NAPG: variants seen among roughly 807,000 people sequenced by gnomAD.
NAPG encodes the protein gamma-soluble NSF attachment protein.
Under a neutral mutation model 48.4 loss-of-function variants are expected in NAPG, and 25 were observed. That is an observed-to-expected ratio of 0.52 (90% CI 0.38 to 0.72). The LOEUF is 0.72. Among genes scored for constraint, NAPG ranks in the 30% least tolerant of loss-of-function variants. The pLI is 0.00. For missense variants in NAPG, 359 were observed against 372.5 expected (o/e 0.96, Z 0.30); for synonymous variants, 139 against 127.2 (o/e 1.09, Z -0.62).
chr18:10,528,774 TG>T (rs776966308), intron 1 of NAPG, among the ~76,000 whole-genome samples: 9 of 150,276 alleles, frequency 6.0e-5, no homozygotes, highest in Admixed American at 1.3e-4. Context: ...GGCAGGGAGG[TG>T]GGGCGGGGAG....
Position 10,534,422 on chromosome 18 carries a change from T to C in NAPG, c.228-44T>C. On this transcript the variant is annotated intron_variant, in intron 4 of 11. Transcript: ENST00000322897. This position sits in a 1 kb window ranked among gnomAD's most constrained non-coding sequence, Gnocchi z 5.0. ...TCACCAGAAAGTTTCTTCTACCCCT[T>C]ATTTCGTTAAGATCTCATCAGAGAA... 6.3e-7 allele frequency: 1 copy of C among 1,598,716 alleles called. No individual in the cohort carries two copies. The highest frequency in any genetic ancestry group is 8.6e-7 in the Non-Finnish European group (1 of 1,167,200).
Position 10,544,308 on chromosome 18 carries a change from G to A in NAPG, c.507-2018G>A, listed in dbSNP as rs2032216619. ...AGAAGTCTGGATACAGTGTAGCTAG[G>A]TCCTAGTGTAGCTAGGTAGCAGAGC... On this transcript the variant is annotated intron_variant, in intron 8 of 11. Coordinates refer to ENST00000322897, the MANE Select transcript of NAPG (RefSeq NM_003826.3). This position sits in a 1 kb window ranked among gnomAD's most constrained non-coding sequence, Gnocchi z 5.1. 6.6e-6 allele frequency among the ~76,000 whole-genome samples: 1 copy of A among 152,200 alleles called. No homozygotes were observed. The highest frequency in any genetic ancestry group is 1.5e-5 in the Non-Finnish European group (1 of 68,040).
intron 2 of NAPG, among the ~76,000 whole-genome samples, 167 bp downstream of exon 2, chr18:10,531,004 A>G (rs996294799): frequency 2.0e-5 from 3 of 152,122 alleles, no homozygotes; most frequent in African/African-American, 7.2e-5. Flanking sequence ...TGTTATTTTC[A>G]GATGTGTTGA....
rs1598413528 is a variant in NAPG at position 10,548,706 on chromosome 18, C to T, written c.666-261C>T. On this transcript the variant is annotated intron_variant, in intron 10 of 11. Transcript: ENST00000322897. This position sits in a 1 kb window ranked among gnomAD's most constrained non-coding sequence, Gnocchi z 4.4. ...CAGAAATCAAAATGAGGAATTTTCT[C>T]GGTGTTTAACATGAGCAGTCTTAAT... is the stretch of plus-strand genomic sequence containing the variant. 2.0e-5 allele frequency among the ~76,000 whole-genome samples: 3 copies of T among 151,972 alleles called. No individual in the cohort carries two copies. The highest frequency in any genetic ancestry group is 2.1e-4 in the South Asian group (1 of 4,806).
rs2032210894 is a variant in NAPG, at chr18:10,544,061, A to G, written c.507-2265A>G. On this transcript the variant is annotated intron_variant, in intron 8 of 11. Transcript: ENST00000322897. The surrounding 1 kb of genome is among the most constrained non-coding windows in gnomAD (Gnocchi z 5.1). ...AAAGTTTAAAATACTGAGATTGCTA[A>G]TAGAATGATATAATCTAGACACGAC... 6.6e-6 allele frequency among the ~76,000 whole-genome samples: 1 copy of G among 152,268 alleles called. No homozygotes were observed. The highest frequency in any genetic ancestry group is 2.4e-5 in the African/African-American group (1 of 41,466).
At chr18:10,547,472 G>A (rs1481424975) in intron 9 of NAPG, among the ~76,000 whole-genome samples, 2 of 152,126 alleles carry the variant, frequency 1.3e-5, no homozygotes, top group Middle Eastern at 3.2e-3. Flanking sequence ...AAAGACTGAA[G>A]CAACTATAAG....
In NAPG at chr18:10,550,076, G is replaced by A; in HGVS notation, c.796-1G>A. ...TTAAGAACATGTTCTGTTGTTGACA[G>A]TATGCTAAGCTGGGCCTGAGTTTGG... On this transcript the variant is annotated splice_acceptor_variant, in intron 11 of 11. Coordinates refer to ENST00000322897, the MANE Select transcript of NAPG (RefSeq NM_003826.3). LOFTEE classifies it high-confidence loss of function. 1.3e-6 allele frequency: 2 copies of A among 1,547,298 alleles called. No individual in the cohort carries two copies. The highest frequency in any genetic ancestry group is 1.7e-6 in the Non-Finnish European group (2 of 1,155,012).
At chr18:10,547,857 A>T (rs1246527493) in intron 9 of NAPG, among the ~76,000 whole-genome samples, 1 of 152,172 alleles carries the variant, frequency 6.6e-6, no homozygotes, top group East Asian at 1.9e-4. Flanking sequence ...TCACTCATAC[A>T]TCTTTTTCCT....
At chr18:10,532,822 A>G in intron 3 of NAPG, 27 bp downstream of exon 3, 1 of 1,499,428 alleles carries the variant, frequency 6.7e-7, no homozygotes, top group Non-Finnish European at 9.0e-7. Context: ...TTAAAAAGAA[A>G]TTAAACAATT....
rs1159767614 is a variant in NAPG, at chr18:10,552,582, A to G, written c.*2362A>G. ...CATTGTAAGTGAAGTCCAGCTACAA[A>G]ATAGATTTAATATATTGAATTTATT... On this transcript the variant is annotated 3_prime_UTR_variant, in exon 12 of 12. Transcript: ENST00000322897. 1 of 152,246 alleles carries G rather than the reference A, an allele frequency of 6.6e-6. No homozygotes were observed. Among genetic ancestry groups the G allele is most frequent in the Non-Finnish European group, 1.5e-5 (1 of 68,050 alleles). 9.4% of individuals were successfully genotyped at this position (152,246 alleles called of 1,614,324 possible).
chr18:10,531,360 TA>T (rs1281664185), intron 2 of NAPG, among the ~76,000 whole-genome samples: 3 of 152,188 alleles, frequency 2.0e-5, no homozygotes, highest in Non-Finnish European at 4.4e-5. Flanking sequence ...ATATAAGATA[TA>T]AACAATCTAA....
At position 10,540,373 on chromosome 18, in the gene NAPG, C is replaced by G. The variant is rs1191589267; in HGVS notation, c.480C>G (p.Ala160=). The G allele has an allele frequency of 6.2e-7, 1 of 1,613,612 alleles. No homozygotes were observed. The highest frequency in any genetic ancestry group is 1.7e-5 in the Admixed American group (1 of 60,014). ...LRQAVELLGK[A]SRLLVRGRRF... ...AGGCAGTTGAATTACTAGGAAAAGCCTCCAGACTACTAGTACGAGGACGTA... is the reference window on the plus strand; with the variant it reads ...AGGCAGTTGAATTACTAGGAAAAGCGTCCAGACTACTAGTACGAGGACGTA... Residue 160 remains alanine (A), a synonymous_variant, in exon 8 of 12, where the codon GCC becomes GCG. Transcript: ENST00000322897.
At chr18:10,530,708 G>T in intron 1 of NAPG, 62 bp from the exon 2 acceptor site, 2 of 985,448 alleles carry the variant, frequency 2.0e-6, no homozygotes, top group Non-Finnish European at 2.8e-6. Context: ...GTCATTACAA[G>T]CAGAGATCTG....
Position 10,540,029 on chromosome 18 carries a change from A to T in NAPG, c.410A>T (p.Tyr137Phe), listed in dbSNP as rs1422483904. 6.3e-7 allele frequency: 1 copy of T among 1,591,518 alleles called. No homozygotes were observed. The highest frequency in any genetic ancestry group is 8.6e-7 in the Non-Finnish European group (1 of 1,167,856). Reference sequence around the variant, plus strand: ...GATCCAGAGAAGGCTGTACAGTTATATCAACAGACAGCTAATGTGTTTGAA... The same window carrying T: ...GATCCAGAGAAGGCTGTACAGTTATTTCAACAGACAGCTAATGTGTTTGAA... ...NVDPEKAVQL[Y>F]QQTANVFENE... The change falls in exon 7 of 12, where the codon TAT (tyrosine) becomes TTT (phenylalanine). Residue 137 changes from tyrosine (Y) to phenylalanine (F), a missense_variant. Tyr to Phe is a conservative substitution (Grantham distance 22). Coordinates refer to ENST00000322897, the MANE Select transcript of NAPG (RefSeq NM_003826.3).
intron 5 of NAPG, among the ~76,000 whole-genome samples, chr18:10,535,493 G>T (rs522208): frequency 0.39 from 59,372 of 152,024 alleles, 12,017 homozygotes; most frequent in African/African-American, 0.5. Context: ...GGATGTAGTG[G>T]CTCATGCCTG....
intron 1 of NAPG, among the ~76,000 whole-genome samples, chr18:10,527,943 T>C (rs2031853623): frequency 6.6e-6 from 1 of 152,156 alleles, no homozygotes; most frequent in African/African-American, 2.4e-5. Context: ...CCCAGCACTT[T>C]GGGAGGCTGA....
At chr18:10,527,129 A>G (rs2031832558) in intron 1 of NAPG, among the ~76,000 whole-genome samples, 1 of 146,798 alleles carries the variant, frequency 6.8e-6, no homozygotes, top group Admixed American at 6.9e-5. Context: ...CAGAGCTTGC[A>G]GTGAGCCGAG....
Position 10,542,427 on chromosome 18 carries a change from C to T in NAPG, c.506+2028C>T, listed in dbSNP as rs1443994336. Among the ~76,000 whole-genome samples the T allele has an allele frequency of 6.6e-6, 1 of 152,066 alleles. No individual in the cohort carries two copies. The highest frequency in any genetic ancestry group is 2.4e-5 in the African/African-American group (1 of 41,398). ...GGTATGAAAAAATTAAGTCTACTGT[C>T]ATGGTACTTCTATTGGGAACTTAAA... On this transcript the variant is annotated intron_variant, in intron 8 of 11. Coordinates refer to ENST00000322897, the MANE Select transcript of NAPG (RefSeq NM_003826.3). This position sits in a 1 kb window ranked among gnomAD's most constrained non-coding sequence, Gnocchi z 4.5.
At position 10,546,510 on chromosome 18, in the gene NAPG, A is replaced by G. The variant is rs187481673; in HGVS notation, c.585+106A>G. ...TCTATGGGTATTTCTATGTTTTTGT[A>G]AAATAATACTTCATGGGCCTCTATT... On this transcript the variant is annotated intron_variant, in intron 9 of 11. Transcript: ENST00000322897. The surrounding 1 kb of genome is among the most constrained non-coding windows in gnomAD (Gnocchi z 4.0). 2 of 615,130 alleles carry G rather than the reference A, an allele frequency of 3.3e-6. No individual in the cohort carries two copies. Among genetic ancestry groups the G allele is most frequent in the Non-Finnish European group, 5.3e-6 (2 of 376,444 alleles). 38.1% of individuals were successfully genotyped at this position (615,130 alleles called of 1,614,324 possible).
Sources: gnomAD v4.1 joint callset for allele counts (sites outside exome capture counted in the v4.1 genomes callset) on GRCh38, gnomAD v4.1.1 for gene constraint, Gnocchi (gnomAD v3.1) non-coding constraint, MANE v1.5 for transcripts, NCBI Gene and HGNC (gene_info 2026-07-23, HGNC 2026-07-21) for gene names.